WDR27: variants seen among roughly 807,000 people sequenced by gnomAD.
WDR27 encodes the protein WD repeat-containing protein 27.
Under a neutral mutation model 114.4 loss-of-function variants are expected in WDR27, and 100 were observed. The observed-to-expected ratio is 0.87, with a 90% CI of 0.74 to 1.03. The LOEUF is 1.03. WDR27 is among the 50% of genes least tolerant of loss of function. The pLI, the probability that WDR27 is intolerant of heterozygous loss-of-function variation, is 0.00. For missense variants in WDR27, 1,129 were observed against 1,092.9 expected (o/e 1.03, Z -0.47); for synonymous variants, 449 against 423.1 (o/e 1.06, Z -0.75).
chr6:169,640,692 G>A (rs988083030), intron 17 of WDR27, among the ~76,000 whole-genome samples: 1 of 152,250 alleles, frequency 6.6e-6, no homozygotes, highest in Non-Finnish European at 1.5e-5. Context: ...GGCAGCCTGG[G>A]CCATAAGGGC....
At chr6:169,674,827 C>T (rs1053788329) in intron 2 of WDR27, among the ~76,000 whole-genome samples, 5 of 151,952 alleles carry the variant, frequency 3.3e-5, no homozygotes, top group South Asian at 2.1e-4. Context: ...GGGCTGAGTC[C>T]GAAAAGAGAG....
intron 21 of WDR27, among the ~76,000 whole-genome samples, chr6:169,626,693 T>G (rs1035155912): frequency 6.6e-6 from 1 of 152,186 alleles, no homozygotes; most frequent in African/African-American, 2.4e-5. Context: ...TCACACCACG[T>G]CCGTGAGTAA....
chr6:169,479,872 G>T (rs1249095597), intron 25 of WDR27, among the ~76,000 whole-genome samples: 1 of 152,220 alleles, frequency 6.6e-6, no homozygotes, highest in African/African-American at 2.4e-5. Flanking sequence ...TCTGAGAGGT[G>T]ACAATGTGCT....
At chr6:169,621,329 TAC>T (rs1255228800) in intron 21 of WDR27, among the ~76,000 whole-genome samples, 2 of 62,732 alleles carry the variant, frequency 3.2e-5, no homozygotes, top group Non-Finnish European at 6.1e-5. Context: ...TTCACACATA[TAC>T]ATACGCACAC....
chr6:169,694,618 G>A (rs922547876), intron 1 of WDR27, among the ~76,000 whole-genome samples: 11 of 152,202 alleles, frequency 7.2e-5, no homozygotes, highest in African/African-American at 2.7e-4. Context: ...GAGAAAGCAA[G>A]CTCAACCTAA....
chr6:169,448,910 A>G, the WDR27 span, among the ~76,000 whole-genome samples: 114 of 152,348 alleles, frequency 7.5e-4, no homozygotes, highest in Admixed American at 1.0e-3. Context: ...TATCACGGCA[A>G]GAGTGCATGC....
chr6:169,501,792 C>G (rs748590575), intron 25 of WDR27, among the ~76,000 whole-genome samples: 20 of 152,216 alleles, frequency 1.3e-4, no homozygotes, highest in African/African-American at 4.6e-4. Flanking sequence ...GCGAAGCCCG[C>G]GACTGCCCTG....
At chr6:169,658,686 C>CTT (rs756818206) in intron 12 of WDR27, among the ~76,000 whole-genome samples, 4 of 140,564 alleles carry the variant, frequency 2.8e-5, no homozygotes, top group African/African-American at 5.2e-5. Context: ...TCCGAGTTTT[C>CTT]TTTTTTTTTT....
chr6:169,433,280 C>T, the WDR27 span, among the ~76,000 whole-genome samples: 1 of 152,136 alleles, frequency 6.6e-6, no homozygotes, highest in Non-Finnish European at 1.5e-5. Flanking sequence ...GTGATGTTCT[C>T]CTCCCTGTTT....
At chr6:169,481,526 C>T (rs542879015) in intron 25 of WDR27, among the ~76,000 whole-genome samples, 35 of 152,334 alleles carry the variant, frequency 2.3e-4, no homozygotes, top group African/African-American at 7.5e-4. Flanking sequence ...TCTTCGGGTT[C>T]GTGGCGCCTT....
At chr6:169,642,773 A>C (rs1463325327) in intron 17 of WDR27, among the ~76,000 whole-genome samples, 1 of 152,050 alleles carries the variant, frequency 6.6e-6, no homozygotes, top group East Asian at 1.9e-4. Flanking sequence ...CCTGCTTCCC[A>C]CTGTCTCTGT....
chr6:169,612,137 A>G (rs1363694162), intron 22 of WDR27, among the ~76,000 whole-genome samples: 3 of 151,294 alleles, frequency 2.0e-5, no homozygotes, highest in Non-Finnish European at 4.4e-5. Context: ...CTCCATCTCA[A>G]AAAAACCAAA....
At chr6:169,626,322 G>C (rs1814814824) in intron 21 of WDR27, among the ~76,000 whole-genome samples, 1 of 152,196 alleles carries the variant, frequency 6.6e-6, no homozygotes, top group African/African-American at 2.4e-5. Flanking sequence ...GAGGGGGGCT[G>C]TGCTGTAGTG....
At chr6:169,568,613 T>C (rs1356637272) in intron 25 of WDR27, among the ~76,000 whole-genome samples, 1 of 152,124 alleles carries the variant, frequency 6.6e-6, no homozygotes, top group African/African-American at 2.4e-5. Flanking sequence ...ATGCTCACTT[T>C]CTCTTTTCAA....
At chr6:169,654,751 G>T (rs915892042) in intron 13 of WDR27, among the ~76,000 whole-genome samples, 1 of 122,918 alleles carries the variant, frequency 8.1e-6, no homozygotes, top group Non-Finnish European at 1.8e-5. Flanking sequence ...GCGCGCACAG[G>T]GTTAGGCGGC....
the WDR27 span, among the ~76,000 whole-genome samples, chr6:169,447,891 T>A: frequency 6.6e-6 from 1 of 152,210 alleles, no homozygotes; most frequent in African/African-American, 2.4e-5. Context: ...GGGTCAGAGT[T>A]GGGAAGTCAA....
At position 169,668,136 on chromosome 6, in the gene WDR27, T is replaced by C. The variant is rs745455789; in HGVS notation, c.506A>G (p.His169Arg). The change falls in exon 5 of 26, where the codon CAC (histidine) becomes CGC (arginine). Residue 169 changes from histidine (H) to arginine (R), a missense_variant. Transcript: ENST00000448612. ...CAGGAAGGTCGGTGGTGGGACTTTGTGGCGGTTATTAACATCAGGACGTTC... is the reference window on the plus strand; with the variant it reads ...CAGGAAGGTCGGTGGTGGGACTTTGCGGCGGTTATTAACATCAGGACGTTC... Reference protein sequence around the residue: ...YIERPDVNNRHKVPPPTFLHT... With the variant: ...YIERPDVNNRRKVPPPTFLHT... 2.5e-6 allele frequency: 4 copies of C among 1,613,990 alleles called. No homozygotes were observed. The highest frequency in any genetic ancestry group is 3.4e-6 in the Non-Finnish European group (4 of 1,179,884).
At chr6:169,617,085 G>A (rs1319173714) in intron 21 of WDR27, among the ~76,000 whole-genome samples, 2 of 152,154 alleles carry the variant, frequency 1.3e-5, no homozygotes, top group Admixed American at 6.5e-5. Flanking sequence ...GCATCCTTGT[G>A]GGGGATCAAT....
At chr6:169,568,107 A>G (rs1175492265) in intron 25 of WDR27, among the ~76,000 whole-genome samples, 1 of 151,628 alleles carries the variant, frequency 6.6e-6, no homozygotes, top group African/African-American at 2.4e-5. Context: ...GGGCTTGGGG[A>G]GACCAGTGGT....
Sources: gnomAD v4.1 joint callset for allele counts (sites outside exome capture counted in the v4.1 genomes callset) on GRCh38, gnomAD v4.1.1 for gene constraint, MANE v1.5 for transcripts, NCBI Gene and HGNC (gene_info 2026-07-23, HGNC 2026-07-21) for gene names.